ELOVL4: variants seen among roughly 807,000 people sequenced by gnomAD.
ELOVL4 encodes the protein very long chain fatty acid elongase 4.
Under a neutral mutation model 42.1 loss-of-function variants are expected in ELOVL4, and 18 were observed. The ratio of observed to expected loss-of-function variants is 0.43; its 90% CI spans 0.30 to 0.63. The LOEUF (loss-of-function observed/expected upper bound fraction) is 0.63, where lower values mean the gene tolerates loss of function less well. Ranked by LOEUF, ELOVL4 falls within the 30% of genes least tolerant of loss-of-function variation. The probability of loss-of-function intolerance (pLI) is 0.15; values close to 1 mark genes in which losing one functional copy is unlikely to be tolerated. For missense variants in ELOVL4, 299 were observed against 376.2 expected (o/e 0.79, Z 1.70); for synonymous variants, 117 against 127.0 (o/e 0.92, Z 0.53).
intron 1 of ELOVL4, among the ~76,000 whole-genome samples, chr6:79,939,731 C>A (rs1774611354): frequency 6.6e-6 from 1 of 151,964 alleles, no homozygotes; most frequent in African/African-American, 2.4e-5. Flanking sequence ...TCTTGAACTC[C>A]TGGGCTCAAG....
intron 3 of ELOVL4, among the ~76,000 whole-genome samples, chr6:79,923,136 T>G (rs796780635): frequency 1.9e-4 from 29 of 152,316 alleles, no homozygotes; most frequent in African/African-American, 7.0e-4. Flanking sequence ...ATAAGTCTGC[T>G]TAGTTTGCAA....
At chr6:79,931,106 A>T (rs1774435213) in intron 1 of ELOVL4, among the ~76,000 whole-genome samples, 1 of 152,112 alleles carries the variant, frequency 6.6e-6, no homozygotes, top group Non-Finnish European at 1.5e-5. Context: ...AGGGGGAAAA[A>T]ATGACACAAA....
intron 2 of ELOVL4, among the ~76,000 whole-genome samples, chr6:79,925,243 T>A (rs1192056446): frequency 6.6e-6 from 1 of 152,196 alleles, no homozygotes; most frequent in Non-Finnish European, 1.5e-5. Context: ...AAAAATCACA[T>A]GTAAATTTTA....
chr6:79,936,357 A>T (rs1425847618), intron 1 of ELOVL4, among the ~76,000 whole-genome samples: 1 of 152,172 alleles, frequency 6.6e-6, no homozygotes, highest in Admixed American at 6.5e-5. Flanking sequence ...TAATATACTA[A>T]GTGATATTAA....
chr6:79,920,176 T>C (rs1304575377), intron 4 of ELOVL4, among the ~76,000 whole-genome samples: 1 of 152,214 alleles, frequency 6.6e-6, no homozygotes, highest in Non-Finnish European at 1.5e-5. Flanking sequence ...AACTGTATTG[T>C]TTTAAACTGG....
chr6:79,947,152 G>T, intron 1 of ELOVL4, 28 bp downstream of exon 1: 1 of 1,590,234 alleles, frequency 6.3e-7, no homozygotes. Context: ...GGGGGACCGA[G>T]CGAGGATGGG....
At chr6:79,934,583 A>C (rs1315024428) in intron 1 of ELOVL4, among the ~76,000 whole-genome samples, 1 of 152,116 alleles carries the variant, frequency 6.6e-6, no homozygotes, top group Non-Finnish European at 1.5e-5. Flanking sequence ...CCCTCCCCTT[A>C]AAAGTCAAGC....
intron 1 of ELOVL4, among the ~76,000 whole-genome samples, chr6:79,938,449 A>G (rs1196975564): frequency 6.6e-6 from 1 of 152,206 alleles, no homozygotes; most frequent in East Asian, 1.9e-4. Flanking sequence ...CCACTGGGTA[A>G]AATACGGTTA....
In ELOVL4 at chr6:79,947,252, T is replaced by C. The variant is rs1220179210; in HGVS notation, c.28A>G (p.Ser10Gly). MGLLDSEPG[S>G]VLNVVSTALN... is the part of the protein sequence containing the mutation. ...GCCGTGGACACTACGTTTAGGACAC[T>C]ACCCGGCTCCGAGTCCAGGAGCCCC... Residue 10 changes from serine (S) to glycine (G), a missense_variant, in exon 1 of 6, where the codon AGT becomes GGT. Physicochemically the swap from Ser to Gly is moderately conservative, Grantham distance 56. Transcript: ENST00000369816. The C allele has an allele frequency of 6.2e-7, 1 of 1,612,890 alleles. No homozygotes were observed. Among genetic ancestry groups the C allele is most frequent in the Non-Finnish European group, 8.5e-7 (1 of 1,179,404 alleles).
Position 79,947,547 on chromosome 6 carries a change from A to C in ELOVL4, c.-268T>G, listed in dbSNP as rs546271509. 621 of 459,340 alleles carry C rather than the reference A, an allele frequency of 1.4e-3. 5 individuals are homozygous for C. Among genetic ancestry groups the C allele is most frequent in the African/African-American group, 0.01 (498 of 47,912 alleles). The allele number at this position is 459,340 out of a possible 1,614,324, so 28.5% of individuals were successfully genotyped here. ...AGCCGCCAGCACAGTGCGCTGCACC[A>C]GTCTGCAGCCTCGCGCAGCCGCCCC... On this transcript the variant is annotated 5_prime_UTR_variant, in exon 1 of 6. Transcript: ENST00000369816.
At chr6:79,926,474 C>G (rs1774345664) in intron 1 of ELOVL4, 93 bp from the exon 2 acceptor site, 1 of 1,250,244 alleles carries the variant, frequency 8.0e-7, no homozygotes, top group African/African-American at 1.5e-5. Context: ...AACTTAATTT[C>G]CTAATTTGAC....
chr6:79,937,340 T>C (rs976912335), intron 1 of ELOVL4, among the ~76,000 whole-genome samples: 1 of 152,070 alleles, frequency 6.6e-6, no homozygotes, highest in Admixed American at 6.5e-5. Flanking sequence ...GTGAGAGAAA[T>C]TATAAAATTT....
chr6:79,942,411 A>G (rs1303787297), intron 1 of ELOVL4, among the ~76,000 whole-genome samples: 1 of 152,226 alleles, frequency 6.6e-6, no homozygotes, highest in Non-Finnish European at 1.5e-5. Context: ...AAGTGAAAAA[A>G]GATAGACTGT....
At position 79,926,375 on chromosome 6, in the gene ELOVL4, C is replaced by T. The variant is rs765250776; in HGVS notation, c.107G>A (p.Arg36His). The T allele has an allele frequency of 5.6e-6, 9 of 1,613,606 alleles. No individual in the cohort carries two copies. Among genetic ancestry groups the T allele is most frequent in the Non-Finnish European group, 7.6e-6 (9 of 1,179,694 alleles). ...YRWTWSIADK[R>H]VENWPLMQSP... Reference sequence around the variant, plus strand: ...CTGCATCAGAGGCCAATTTTCCACACGCTTATCTATAGAGAGAACAAAATA... The same window carrying T: ...CTGCATCAGAGGCCAATTTTCCACATGCTTATCTATAGAGAGAACAAAATA... The change falls in exon 2 of 6, where the codon CGT (arginine) becomes CAT (histidine). Residue 36 changes from arginine (R) to histidine (H), a missense_variant. Transcript: ENST00000369816.
At chr6:79,919,636 T>C (rs1774218974) in intron 4 of ELOVL4, 89 bp from the exon 5 acceptor site, 2 of 1,132,550 alleles carry the variant, frequency 1.8e-6, no homozygotes, top group South Asian at 1.4e-5. Context: ...ATACACATTA[T>C]TTTTTAATAT....
chr6:79,924,890 A>G, intron 3 of ELOVL4, 62 bp downstream of exon 3: 1 of 989,628 alleles, frequency 1.0e-6, no homozygotes, highest in Non-Finnish European at 1.6e-6. Context: ...ATATTTTCAC[A>G]GACTGGGGCC....
At chr6:79,924,878 C>A in intron 3 of ELOVL4, 74 bp downstream of exon 3, 1 of 925,918 alleles carries the variant, frequency 1.1e-6, no homozygotes, top group East Asian at 2.4e-5. Flanking sequence ...AAAGTACATT[C>A]TATATTTTCA....
At chr6:79,942,736 C>A (rs962957539) in intron 1 of ELOVL4, among the ~76,000 whole-genome samples, 1 of 152,130 alleles carries the variant, frequency 6.6e-6, no homozygotes, top group Admixed American at 6.5e-5. Flanking sequence ...GCATTGTTTA[C>A]CCTCCTGGAA....
chr6:79,944,874 C>T (rs762449405), intron 1 of ELOVL4, among the ~76,000 whole-genome samples: 10 of 151,868 alleles, frequency 6.6e-5, no homozygotes, highest in Middle Eastern at 3.2e-3. Flanking sequence ...ACATTTGACT[C>T]ACCAACTTTT....
Sources: gnomAD v4.1 joint callset for allele counts (sites outside exome capture counted in the v4.1 genomes callset) on GRCh38, gnomAD v4.1.1 for gene constraint, MANE v1.5 for transcripts, NCBI Gene and HGNC (gene_info 2026-07-23, HGNC 2026-07-21) for gene names.